The following SLCO5A1 variants were observed in gnomAD, a reference collection of about 807,000 sequenced individuals.
SLCO5A1 encodes the protein solute carrier organic anion transporter family member 5A1.
SLCO5A1 carries 39 observed loss-of-function variants against 65.1 expected under a neutral mutation model. The ratio of observed to expected loss-of-function variants is 0.60; its 90% CI spans 0.46 to 0.78. SLCO5A1 has a LOEUF of 0.78. Ranked by LOEUF, SLCO5A1 falls within the 30% of genes least tolerant of loss-of-function variation. The pLI is 0.00. For synonymous variants in SLCO5A1, 438 were observed against 415.7 expected, an observed-to-expected ratio of 1.05 and a Z score of -0.65; for missense variants, 1,029 against 1,069.4, an observed-to-expected ratio of 0.96 and a Z score of 0.53.
intron 2 of SLCO5A1, among the ~76,000 whole-genome samples, chr8:69,784,847 G>GAAAGAAAGAAAGAAAGA (rs1818953373): frequency 7.7e-6 from 1 of 129,598 alleles, no homozygotes; most frequent in Non-Finnish European, 1.6e-5. Flanking sequence ...AAGAAAGAAA[G>GAAAGAAAGAAAGAAAGA]AAAGAAAGAA....
chr8:69,747,644 G>A (rs1476888660), intron 4 of SLCO5A1, among the ~76,000 whole-genome samples: 3 of 152,080 alleles, frequency 2.0e-5, no homozygotes, highest in Non-Finnish European at 4.4e-5. Flanking sequence ...CGTGGATTTT[G>A]GTATCCACCA....
chr8:69,814,176 T>A (rs2130913835), intron 2 of SLCO5A1, among the ~76,000 whole-genome samples: 1 of 151,874 alleles, frequency 6.6e-6, no homozygotes, highest in Admixed American at 6.6e-5. Context: ...GCAACAAAAG[T>A]AAAAGTAGAC....
chr8:69,675,089 A>G lies in SLCO5A1; in HGVS notation c.2089+1520T>C, dbSNP rs543817792. On this transcript the variant is annotated intron_variant, in intron 9 of 9. Coordinates refer to ENST00000260126, the MANE Select transcript of SLCO5A1 (RefSeq NM_030958.3). The stretch of plus-strand genomic sequence containing the variant: ...ACATATATATTTCTTTTCTTATTCA[A>G]TTACCCCTTTGGTTAACAAATCTCC... Among the ~76,000 whole-genome samples the G allele has an allele frequency of 4.5e-4, 68 of 151,726 alleles. 2 individuals carry two copies. Among genetic ancestry groups the G allele is most frequent in the Middle Eastern group, 3.4e-3 (1 of 290 alleles).
chr8:69,794,641 GT>G (rs796865324), intron 2 of SLCO5A1: 6 of 319,614 alleles, frequency 1.9e-5, no homozygotes, highest in South Asian at 1.5e-4. Context: ...TTTCAGGGCT[GT>G]TTTTAGGACT....
At chr8:69,783,177 C>T (rs775910278) in intron 2 of SLCO5A1, among the ~76,000 whole-genome samples, 34 of 151,890 alleles carry the variant, frequency 2.2e-4, no homozygotes, top group Non-Finnish European at 4.6e-4. Context: ...ATTCTGAGAC[C>T]TTGCCAGACT....
At position 69,780,334 on chromosome 8, in the gene SLCO5A1, C is replaced by T. The variant is rs1387360952; in HGVS notation, c.908-18459G>A. 1.3e-5 allele frequency among the ~76,000 whole-genome samples: 2 copies of T among 152,100 alleles called. 1 individual carries two copies. The highest frequency in any genetic ancestry group is 4.1e-4 in the South Asian group (2 of 4,830). ...CCCAAAGGAAAGGAAATCAGTATAT[C>T]GAAGGGATATTTGCCTTCACACACT... On this transcript the variant is annotated intron_variant, in intron 2 of 9. Transcript: ENST00000260126.
chr8:69,825,618 T>G (rs572363779), intron 2 of SLCO5A1, among the ~76,000 whole-genome samples: 4 of 151,910 alleles, frequency 2.6e-5, no homozygotes, highest in East Asian at 1.9e-4. Flanking sequence ...CACTGCTCAA[T>G]GAAATAAAAG....
intron 6 of SLCO5A1, among the ~76,000 whole-genome samples, chr8:69,683,858 G>C (rs1813893464): frequency 6.6e-6 from 1 of 152,124 alleles, no homozygotes; most frequent in African/African-American, 2.4e-5. Flanking sequence ...AACCATGCCT[G>C]GCCAAGACTT....
chr8:69,701,494 T>G (rs11774944), intron 6 of SLCO5A1, among the ~76,000 whole-genome samples: 16,987 of 152,232 alleles, frequency 0.11, 1,187 homozygotes, highest in Non-Finnish European at 0.16. Flanking sequence ...CTCTGAAGCC[T>G]GCTACTGGAA....
At chr8:69,733,224 A>G (rs1031348174) in intron 5 of SLCO5A1, among the ~76,000 whole-genome samples, 3 of 152,218 alleles carry the variant, frequency 2.0e-5, no homozygotes, top group African/African-American at 7.2e-5. Context: ...GTAAGGTGCT[A>G]TCATCATAAA....
chr8:69,763,614 CAAAAAAAAAAAAAAAAAAAAAAA>C (rs770191440), intron 2 of SLCO5A1, among the ~76,000 whole-genome samples: 2 of 13,160 alleles, frequency 1.5e-4, no homozygotes, highest in African/African-American at 4.0e-4. Context: ...AGCAAGACTC[CAAAAAAAAAAAAAAAAAAAAAAA>C]AAAAAAAAAA....
intron 6 of SLCO5A1, among the ~76,000 whole-genome samples, chr8:69,684,765 GCTTGCT>G (rs1220901639): frequency 1.3e-5 from 2 of 151,378 alleles, no homozygotes; most frequent in Non-Finnish European, 2.9e-5. Flanking sequence ...TTCACTGCCA[GCTTGCT>G]CTTGAATTCT....
intron 5 of SLCO5A1, among the ~76,000 whole-genome samples, chr8:69,707,226 A>T (rs1233534773): frequency 1.3e-5 from 2 of 152,156 alleles, no homozygotes; most frequent in African/African-American, 4.8e-5. Context: ...GAAACAAACA[A>T]CTTAATAGAA....
At chr8:69,697,070 T>C (rs1326484683) in intron 6 of SLCO5A1, among the ~76,000 whole-genome samples, 1 of 151,560 alleles carries the variant, frequency 6.6e-6, no homozygotes, top group Non-Finnish European at 1.5e-5. Context: ...AAAGAGAAAA[T>C]GAGTTTAAAA....
intron 5 of SLCO5A1, among the ~76,000 whole-genome samples, chr8:69,707,286 C>G (rs1184286982): frequency 1.3e-5 from 2 of 152,032 alleles, no homozygotes; most frequent in East Asian, 3.9e-4. Context: ...AGAGTCTTCC[C>G]TGGATGAAAT....
chr8:69,813,274 A>G (rs1452498736), intron 2 of SLCO5A1, among the ~76,000 whole-genome samples: 4 of 152,210 alleles, frequency 2.6e-5, no homozygotes, highest in Admixed American at 2.6e-4. Context: ...CACCTGACAA[A>G]ACCAAGACTC....
chr8:69,715,249 C>A (rs1002199188), intron 5 of SLCO5A1, among the ~76,000 whole-genome samples: 1 of 152,138 alleles, frequency 6.6e-6, no homozygotes, highest in African/African-American at 2.4e-5. Flanking sequence ...GGGTAGGGAG[C>A]CTTTGCAGAG....
intron 6 of SLCO5A1, among the ~76,000 whole-genome samples, chr8:69,686,250 A>T (rs1004996414): frequency 1.4e-5 from 2 of 145,084 alleles, no homozygotes; most frequent in Non-Finnish European, 3.0e-5. Flanking sequence ...GAGAGAGAAG[A>T]CCTCTTTAGC....
At chr8:69,674,486 A>G (rs75128602) in intron 9 of SLCO5A1, among the ~76,000 whole-genome samples, 1,900 of 152,176 alleles carry the variant, frequency 0.012, 43 homozygotes, top group African/African-American at 0.041. Context: ...AAGTTTTTAA[A>G]ACTCTTTTTC....
Sources: allele counts gnomAD v4.1 joint callset (sites outside exome capture counted in the v4.1 genomes callset), GRCh38; gene constraint gnomAD v4.1.1; transcripts MANE v1.5; gene names NCBI Gene and HGNC (gene_info 2026-07-23, HGNC 2026-07-21).